CDH18: variants seen among roughly 807,000 people sequenced by gnomAD.
CDH18 encodes the protein cadherin-18.
Under a neutral mutation model 67.9 loss-of-function variants are expected in CDH18, and 31 were observed. That is an observed-to-expected ratio of 0.46 (90% CI 0.34 to 0.62). CDH18 has a LOEUF of 0.62. Ranked by LOEUF, CDH18 falls within the 20% of genes least tolerant of loss-of-function variation. The pLI, the probability that CDH18 is intolerant of heterozygous loss-of-function variation, is 0.01. For missense variants in CDH18, 890 were observed against 975.5 expected, an observed-to-expected ratio of 0.91 and a Z score of 1.17; for synonymous variants, 362 against 347.2, an observed-to-expected ratio of 1.04 and a Z score of -0.48.
At chr5:19,936,805 A>AT (rs1794323199) in intron 2 of CDH18, among the ~76,000 whole-genome samples, 2 of 151,036 alleles carry the variant, frequency 1.3e-5, no homozygotes, top group Admixed American at 1.3e-4. Context: ...GTGAATAGAA[A>AT]TTTCATGTTT....
intron 3 of CDH18, among the ~76,000 whole-genome samples, chr5:19,776,141 T>C (rs923950549): frequency 6.6e-6 from 1 of 151,956 alleles, no homozygotes; most frequent in Non-Finnish European, 1.5e-5. Context: ...ATAATAAATA[T>C]TAAGGGGATC....
intron 1 of CDH18, among the ~76,000 whole-genome samples, chr5:20,514,037 T>C (rs370556652): frequency 7.7e-4 from 117 of 152,158 alleles, no homozygotes; most frequent in African/African-American, 2.7e-3. Flanking sequence ...TCGCAAATGT[T>C]ATTATAAAAC....
intron 5 of CDH18, among the ~76,000 whole-genome samples, chr5:19,657,104 G>C (rs994111415): frequency 6.6e-6 from 1 of 152,148 alleles, no homozygotes; most frequent in Non-Finnish European, 1.5e-5. Context: ...ATCATTTCTT[G>C]TAACATTTAT....
intron 5 of CDH18, among the ~76,000 whole-genome samples, chr5:19,682,625 C>CT (rs1174776364): frequency 1.3e-5 from 2 of 152,026 alleles, no homozygotes; most frequent in African/African-American, 4.8e-5. Context: ...ACTGGTCTCT[C>CT]TTTCACTCTT....
chr5:20,448,144 G>A (rs957168114), intron 1 of CDH18, among the ~76,000 whole-genome samples: 2 of 151,736 alleles, frequency 1.3e-5, no homozygotes, highest in African/African-American at 4.8e-5. Context: ...TTGAGAACAT[G>A]CGGTGTTTGG....
At chr5:19,805,245 G>C (rs919849317) in intron 3 of CDH18, among the ~76,000 whole-genome samples, 1 of 152,036 alleles carries the variant, frequency 6.6e-6, no homozygotes, top group East Asian at 1.9e-4. Context: ...ACCATTTCTA[G>C]CCGAAAATAT....
intron 2 of CDH18, among the ~76,000 whole-genome samples, chr5:19,996,792 AG>A (rs1428239763): frequency 2.6e-5 from 4 of 151,996 alleles, no homozygotes; most frequent in African/African-American, 9.7e-5. Context: ...ATGCTCAGTC[AG>A]GGGATACACT....
Position 19,503,119 on chromosome 5 carries a change from A to C in CDH18, c.1513-10T>G. 1 of 1,337,760 alleles carries C rather than the reference A, an allele frequency of 7.5e-7. No individual in the cohort carries two copies. Among genetic ancestry groups the C allele is most frequent in the Non-Finnish European group, 1.1e-6 (1 of 931,790 alleles). The allele number at this position is 1,337,760 out of a possible 1,614,324, so 82.9% of individuals were successfully genotyped here. ...TGATGGTATGAATAACCTAAAGAAA[A>C]GACAAACTCTAAATCGTAAATTTAA... On this transcript the variant is annotated splice_polypyrimidine_tract_variant and intron_variant, in intron 10 of 12. Transcript: ENST00000382275.
chr5:20,039,750 G>A (rs1407887009), intron 2 of CDH18, among the ~76,000 whole-genome samples: 1 of 152,056 alleles, frequency 6.6e-6, no homozygotes, highest in African/African-American at 2.4e-5. Flanking sequence ...AACCCTAGAA[G>A]AAAACCTAGG....
chr5:19,522,794 C>T (rs347731), intron 9 of CDH18, among the ~76,000 whole-genome samples: 3,707 of 149,894 alleles, frequency 0.025, 163 homozygotes, highest in African/African-American at 0.086. Context: ...ACTGGGGAGG[C>T]TGAGGCAGGA....
chr5:19,494,200 T>C (rs1741925679), intron 11 of CDH18, among the ~76,000 whole-genome samples: 1 of 152,214 alleles, frequency 6.6e-6, no homozygotes, highest in Admixed American at 6.5e-5. Context: ...ATAATTTCTT[T>C]AGTTATTCCA....
chr5:19,612,756 A>G (rs1749197315), intron 5 of CDH18, among the ~76,000 whole-genome samples, 155 bp from the exon 6 acceptor site: 3 of 152,220 alleles, frequency 2.0e-5, no homozygotes, highest in Admixed American at 2.0e-4. Context: ...CCAATGCATG[A>G]ATACTGTCTC....
At chr5:20,031,581 G>C (rs1739403841) in intron 2 of CDH18, among the ~76,000 whole-genome samples, 1 of 151,870 alleles carries the variant, frequency 6.6e-6, no homozygotes, top group African/African-American at 2.4e-5. Context: ...GGGAAGTCAG[G>C]TAGTGACCCT....
At chr5:19,677,865 C>A (rs1759715414) in intron 5 of CDH18, among the ~76,000 whole-genome samples, 1 of 151,886 alleles carries the variant, frequency 6.6e-6, no homozygotes, top group Non-Finnish European at 1.5e-5. Context: ...GATCAAAAGA[C>A]AAGAAGGGCA....
At chr5:19,490,914 C>T (rs1422031160) in intron 11 of CDH18, among the ~76,000 whole-genome samples, 3 of 151,860 alleles carry the variant, frequency 2.0e-5, no homozygotes, top group African/African-American at 7.3e-5. Context: ...TATAAAACAA[C>T]AATTAATAGA....
intron 2 of CDH18, among the ~76,000 whole-genome samples, chr5:19,852,881 G>A (rs1041354005): frequency 6.6e-6 from 1 of 152,008 alleles, no homozygotes; most frequent in Non-Finnish European, 1.5e-5. Flanking sequence ...GCCTTCAGGA[G>A]TATTGAAAAC....
At chr5:19,616,726 C>T (rs1447157321) in intron 5 of CDH18, among the ~76,000 whole-genome samples, 1 of 152,120 alleles carries the variant, frequency 6.6e-6, no homozygotes. Context: ...GCTGCCAGAA[C>T]AAAATACCAT....
rs1737855324 is a variant in CDH18 at position 19,473,297 on chromosome 5, CA to C, written c.2301del (p.Gly768GlufsTer10). On this transcript the variant is annotated frameshift_variant, in exon 13 of 13. Transcript: ENST00000382275. LOFTEE classifies it high-confidence loss of function. Reference protein sequence around the residue: ...TTQSDQDYHYLGDWGPEFKKL... With the variant: ...TTQSDQDYHYXGDWGPEFKKL... ...TTTTTAAACTCGGGTCCCCAGTCTCCAAGGTAGTGATAATCCTGGTCTGATT... is the reference window on the plus strand; with the variant it reads ...TTTTTAAACTCGGGTCCCCAGTCTCCAGGTAGTGATAATCCTGGTCTGATT... 8 of 1,613,784 alleles carry C rather than the reference CA, an allele frequency of 5.0e-6. No homozygotes were observed. The highest frequency in any genetic ancestry group is 6.8e-6 in the Non-Finnish European group (8 of 1,179,846).
chr5:19,882,407 T>G (rs951131546), intron 2 of CDH18, among the ~76,000 whole-genome samples: 3 of 152,202 alleles, frequency 2.0e-5, no homozygotes, highest in Admixed American at 2.0e-4. Flanking sequence ...GTGGCTGTTT[T>G]ATTTTTAAAG....
Sources: gnomAD v4.1 joint callset for allele counts (sites outside exome capture counted in the v4.1 genomes callset) on GRCh38, gnomAD v4.1.1 for gene constraint, MANE v1.5 for transcripts, NCBI Gene and HGNC (gene_info 2026-07-23, HGNC 2026-07-21) for gene names.